The following CD36 variants were observed in gnomAD, a reference collection of about 807,000 sequenced individuals.
CD36 encodes the protein CD36 molecule (CD36 blood group), also known as platelet glycoprotein 4.
A neutral mutation model predicts 55.2 loss-of-function variants in CD36; 119 were observed. That is an observed-to-expected ratio of 2.15 (90% CI 1.86 to 2.51). The LOEUF (loss-of-function observed/expected upper bound fraction) is 2.51. CD36 is among the 30% of genes most tolerant of loss of function. The pLI is 0.00. For synonymous variants in CD36, 186 were observed against 193.6 expected, an observed-to-expected ratio of 0.96 and a Z score of 0.33; for missense variants, 819 against 555.5, an observed-to-expected ratio of 1.47 and a Z score of -4.77.
At chr7:80,614,232 C>T (rs1793026067) in intron 1 of CD36, among the ~76,000 whole-genome samples, 1 of 152,154 alleles carries the variant, frequency 6.6e-6, no homozygotes, top group Non-Finnish European at 1.5e-5. Flanking sequence ...CTCCAGAGCA[C>T]ATCCGTATTG....
chr7:80,671,855 T>C (rs1797701620), intron 10 of CD36, 67 bp from the exon 11 acceptor site: 4 of 1,435,248 alleles, frequency 2.8e-6, no homozygotes, highest in East Asian at 2.3e-5. Flanking sequence ...TGTGGAAATA[T>C]TTTTTGAGTT....
intron 1 of CD36, among the ~76,000 whole-genome samples, chr7:80,606,262 G>A (rs975638193): frequency 1.6e-4 from 24 of 151,434 alleles, no homozygotes; most frequent in Non-Finnish European, 1.8e-4. Flanking sequence ...AACATAATAC[G>A]TAGATCTGTG....
chr7:80,655,826 T>C (rs1796003892), intron 3 of CD36, among the ~76,000 whole-genome samples: 1 of 149,956 alleles, frequency 6.7e-6, no homozygotes, highest in Admixed American at 6.7e-5. Context: ...GTGGCACAGG[T>C]GAGAGGATCA....
intron 11 of CD36, among the ~76,000 whole-genome samples, chr7:80,672,512 A>AT (rs1367272004): frequency 6.6e-6 from 1 of 151,728 alleles, no homozygotes; most frequent in Non-Finnish European, 1.5e-5. Context: ...CTGATTTTTG[A>AT]TTTTTTAAAA....
At chr7:80,661,906 T>C (rs1796562047) in intron 5 of CD36, among the ~76,000 whole-genome samples, 1 of 152,156 alleles carries the variant, frequency 6.6e-6, no homozygotes. Context: ...CTGCAGAGTC[T>C]AGCTATCCGC....
At position 80,677,522 on chromosome 7, in the gene CD36, C is replaced by A. The variant is rs1460986964; in HGVS notation, c.*1139C>A. 1 of 152,180 alleles carries A rather than the reference C, an allele frequency of 6.6e-6. No homozygotes were observed. The highest frequency in any genetic ancestry group is 1.5e-5 in the Non-Finnish European group (1 of 68,028). 9.4% of individuals were successfully genotyped at this position (152,180 alleles called of 1,614,324 possible). A position where few individuals can be genotyped will look rare whatever the true frequency, so the allele number is the denominator to read the frequency against. ...AGAAAAGCCACAAACCAAGAATCTA[C>A]CTGTTTGGAAAGATCTTTTGCATCT... On this transcript the variant is annotated 3_prime_UTR_variant, in exon 15 of 15. Coordinates refer to ENST00000447544, the MANE Select transcript of CD36 (RefSeq NM_001001548.3).
At chr7:80,654,831 A>G (rs1795920115) in intron 3 of CD36, among the ~76,000 whole-genome samples, 1 of 151,806 alleles carries the variant, frequency 6.6e-6, no homozygotes, top group Non-Finnish European at 1.5e-5. Flanking sequence ...AATATCATGA[A>G]GATATGAAAC....
intron 7 of CD36, 30 bp from the exon 8 acceptor site, chr7:80,666,413 T>G: frequency 6.9e-7 from 1 of 1,458,112 alleles, no homozygotes; most frequent in South Asian, 1.1e-5. Flanking sequence ...TAAATAAGAA[T>G]GTTTATTCAT....
chr7:80,670,951 T>C (rs184119768), intron 9 of CD36, 26 bp from the exon 10 acceptor site: 1 of 1,547,528 alleles, frequency 6.5e-7, no homozygotes, highest in Non-Finnish European at 8.9e-7. Context: ...GTTCCTGGAA[T>C]GCAGCTCTTT....
At chr7:80,635,318 G>A (rs1428353805), upstream of CD36, among the ~76,000 whole-genome samples, 2 of 151,858 alleles carry the variant, frequency 1.3e-5, no homozygotes, top group African/African-American at 4.8e-5. Context: ...CTATTGCCCA[G>A]GCTGGAGTAT....
chr7:80,660,126 T>C (rs2116637778), intron 4 of CD36, among the ~76,000 whole-genome samples: 1 of 152,320 alleles, frequency 6.6e-6, no homozygotes, highest in South Asian at 2.1e-4. Context: ...TTCACAGGCA[T>C]TCAAATATGA....
chr7:80,633,183 T>C (rs1794186839), intron 1 of CD36: 1 of 152,022 alleles, frequency 6.6e-6, no homozygotes, highest in African/African-American at 2.4e-5. Flanking sequence ...TGACTAATTT[T>C]TTTTCCTACT....
intron 8 of CD36, among the ~76,000 whole-genome samples, chr7:80,666,928 A>G (rs1423061897): frequency 6.6e-6 from 1 of 152,230 alleles, no homozygotes; most frequent in African/African-American, 2.4e-5. Flanking sequence ...TAAAGTTGCA[A>G]GACAGAACCA....
chr7:80,658,743 G>C (rs959944659), intron 4 of CD36, among the ~76,000 whole-genome samples: 1 of 152,094 alleles, frequency 6.6e-6, no homozygotes, highest in Admixed American at 6.6e-5. Flanking sequence ...CAATCTATGT[G>C]CCTTGGCCTC....
rs1364302132 is a variant in CD36 at position 80,674,079 on chromosome 7, G to A, written c.1351G>A (p.Val451Ile). 6.2e-7 allele frequency: 1 copy of A among 1,612,110 alleles called. No homozygotes were observed. Among genetic ancestry groups the A allele is most frequent in the South Asian group, 1.1e-5 (1 of 91,020 alleles). ...CCTGATAGAAATGATCTTACTCAGT[G>A]TTGGTGTGGTGATGTTTGTTGCTTT... is the stretch of plus-strand genomic sequence containing the variant. ...LGLIEMILLS[V>I]GVVMFVAFMI... Residue 451 changes from valine (V) to isoleucine (I), a missense_variant, in exon 14 of 15, where the codon GTT becomes ATT. By Grantham distance (29) the Val-to-Ile change is conservative. Transcript: ENST00000447544.
rs1192504891 is a variant in CD36 at position 80,617,784 on chromosome 7, G to A, written c.-184+15405G>A. Among the ~76,000 whole-genome samples, 3 of 151,734 alleles carry A rather than the reference G, an allele frequency of 2.0e-5. No homozygotes were observed. The South Asian group carries it at 6.2e-4, about 32-fold the overall frequency. On this transcript the variant is annotated intron_variant, in intron 1 of 13. Transcript: ENST00000309881. ...AAACAAGCTCTTCAAACGTACATTG[G>A]ATGCTGAAGTTTCTATTTCTCACTT...
At chr7:80,649,555 G>A (rs558738602) in intron 3 of CD36, among the ~76,000 whole-genome samples, 6 of 152,008 alleles carry the variant, frequency 3.9e-5, no homozygotes, top group African/African-American at 1.4e-4. Flanking sequence ...TTAAATTAGA[G>A]GAGTAAAAGC....
At chr7:80,623,327 G>A (rs1460897920) in intron 1 of CD36, among the ~76,000 whole-genome samples, 2 of 145,594 alleles carry the variant, frequency 1.4e-5, no homozygotes, top group Admixed American at 1.4e-4. Context: ...AATCCTCACA[G>A]TAGGGGTCAC....
intron 1 of CD36, among the ~76,000 whole-genome samples, chr7:80,644,873 A>G (rs1215604470): frequency 6.6e-6 from 1 of 152,226 alleles, no homozygotes; most frequent in Admixed American, 6.5e-5. Context: ...CATTCTGACT[A>G]TAAATGACAC....
Sources: allele counts gnomAD v4.1 joint callset (sites outside exome capture counted in the v4.1 genomes callset), GRCh38; gene constraint gnomAD v4.1.1; transcripts MANE v1.5; gene names NCBI Gene and HGNC (gene_info 2026-07-23, HGNC 2026-07-21).